Variants in HNRNPR observed in about 807,000 individuals in gnomAD.
The protein encoded by HNRNPR is heterogeneous nuclear ribonucleoprotein R.
HNRNPR carries 4 observed loss-of-function variants against 70.3 expected under a neutral mutation model. The observed-to-expected ratio is 0.06, with a 90% CI of 0.03 to 0.13. HNRNPR has a LOEUF of 0.13. Among genes scored for constraint, HNRNPR ranks in the 10% least tolerant of loss-of-function variants. The pLI is 1.00. For missense variants in HNRNPR, 423 were observed against 788.5 expected, an observed-to-expected ratio of 0.54 and a Z score of 5.55; for synonymous variants, 241 against 267.6, an observed-to-expected ratio of 0.90 and a Z score of 0.97.
chr1:23,338,526 T>C lies in HNRNPR; in HGVS notation c.240A>G (p.Leu80=). The part of the protein sequence containing the change: ...EFNEEGALSV[L]QQFKESDLSH... The stretch of plus-strand genomic sequence containing the variant: ...ATAAGTCACTTTCCTTGAACTGCTG[T>C]AGTACAGACAGAGCTCCTTCTTCAT... The change falls in exon 3 of 11, where the codon CTA becomes CTG. Residue 80 remains leucine (L), a synonymous_variant. Coordinates refer to ENST00000302271, the MANE Select transcript of HNRNPR (RefSeq NM_005826.5). 6.3e-7 allele frequency: 1 copy of C among 1,586,308 alleles called. No homozygotes were observed. The highest frequency in any genetic ancestry group is 8.6e-7 in the Non-Finnish European group (1 of 1,161,916).
intron 8 of HNRNPR, among the ~76,000 whole-genome samples, chr1:23,316,229 C>T (rs1379752132): frequency 6.6e-6 from 1 of 152,070 alleles, no homozygotes; most frequent in Non-Finnish European, 1.5e-5. Context: ...CGCTTAAGCC[C>T]AGGAGTTCAA....
At chr1:23,312,437 G>A (rs1347865472) in intron 9 of HNRNPR, among the ~76,000 whole-genome samples, 1 of 152,164 alleles carries the variant, frequency 6.6e-6, no homozygotes, top group Non-Finnish European at 1.5e-5. Context: ...GTCGAGTCAG[G>A]AGGAATATTT....
Position 23,310,896 on chromosome 1 carries a change from T to C in HNRNPR, c.1460A>G (p.Glu487Gly). Reference sequence around the variant, plus strand: ...ATCATCATAGCCGTAGTAGGGATCTTCATAGCCTCCACGATAGTCGTGATA... The same window carrying C: ...ATCATCATAGCCGTAGTAGGGATCTCCATAGCCTCCACGATAGTCGTGATA... ...YDYHDYRGGY[E>G]DPYYGYDDGY... is the part of the protein sequence containing the mutation. Residue 487 changes from glutamate to glycine, a missense_variant, in exon 11 of 11, where the codon GAA becomes GGA. Physicochemically the swap from Glu to Gly is moderately conservative, Grantham distance 98. This residue lies in a region of HNRNPR where 169 missense variants were observed against 195.6 expected (regional missense o/e 0.86). Coordinates refer to ENST00000302271, the MANE Select transcript of HNRNPR (RefSeq NM_005826.5). The surrounding 1 kb of genome is among the most constrained non-coding windows in gnomAD (Gnocchi z 6.0). 1 of 1,614,126 alleles carries C rather than the reference T, an allele frequency of 6.2e-7. No homozygotes were observed. Among genetic ancestry groups the C allele is most frequent in the African/African-American group, 1.3e-5 (1 of 75,022 alleles).
chr1:23,331,013 A>C (rs1407839639), intron 5 of HNRNPR, among the ~76,000 whole-genome samples: 1 of 152,242 alleles, frequency 6.6e-6, no homozygotes, highest in African/African-American at 2.4e-5. Flanking sequence ...GTACTTGCAC[A>C]ATCTCATGAA....
intron 2 of HNRNPR, 76 bp downstream of exon 2, chr1:23,340,776 C>A: frequency 8.3e-7 from 1 of 1,205,860 alleles, no homozygotes. Flanking sequence ...ATTATTTAAC[C>A]TTAAAAAACT....
intron 9 of HNRNPR, 61 bp from the exon 10 acceptor site, chr1:23,311,383 T>C: frequency 9.3e-7 from 1 of 1,080,256 alleles, no homozygotes; most frequent in East Asian, 2.6e-5. Context: ...TTTTATATAG[T>C]ATGTAAGCTA....
chr1:23,328,439 G>C (rs1054427820), intron 5 of HNRNPR, among the ~76,000 whole-genome samples: 1 of 152,144 alleles, frequency 6.6e-6, no homozygotes, highest in Admixed American at 6.5e-5. Flanking sequence ...GTGAGTTTTC[G>C]GTTATACTGG....
intron 4 of HNRNPR, among the ~76,000 whole-genome samples, chr1:23,335,880 G>A (rs2148467955): frequency 6.6e-6 from 1 of 150,492 alleles, no homozygotes; most frequent in Non-Finnish European, 1.5e-5. Flanking sequence ...CACTTTGGGA[G>A]GCTGAGGCGG....
chr1:23,329,198 T>G (rs531962421), intron 5 of HNRNPR, among the ~76,000 whole-genome samples: 1 of 152,116 alleles, frequency 6.6e-6, no homozygotes, highest in Non-Finnish European at 1.5e-5. Context: ...CGTGAGTCCA[T>G]GAAGAAACAG....
intron 5 of HNRNPR, among the ~76,000 whole-genome samples, chr1:23,329,838 C>T (rs2148427335): frequency 6.6e-6 from 1 of 152,228 alleles, no homozygotes; most frequent in Admixed American, 6.5e-5. Context: ...CTTATGTTAG[C>T]CAGGTTGGTC....
At chr1:23,319,911 T>C (rs925074756) in intron 7 of HNRNPR, among the ~76,000 whole-genome samples, 5 of 152,246 alleles carry the variant, frequency 3.3e-5, no homozygotes, top group African/African-American at 4.8e-5. Flanking sequence ...CAGGTGCTGG[T>C]TGACATGTCA....
At position 23,338,014 on chromosome 1, in the gene HNRNPR, G is replaced by C. The variant is rs1307489566; in HGVS notation, c.277-153C>G. Reference sequence around the variant, plus strand: ...TTTGCCGAGTGGTTACTATGTGCCAGAGATTGGAGCAGACAGCAGTAAGGC... The same window carrying C: ...TTTGCCGAGTGGTTACTATGTGCCACAGATTGGAGCAGACAGCAGTAAGGC... On this transcript the variant is annotated intron_variant, in intron 3 of 10. Transcript: ENST00000302271. 2.5e-5 allele frequency: 15 copies of C among 612,044 alleles called. 1 individual carries two copies. In the South Asian group the frequency reaches 2.6e-4, roughly 11 times the overall value. The allele number at this position is 612,044 out of a possible 1,614,324, so 37.9% of individuals were successfully genotyped here.
chr1:23,344,277 G>A lies in HNRNPR; in HGVS notation c.-76C>T, dbSNP rs1386753704. Reference sequence around the variant, plus strand: ...GCGCGAGGCGCTTTGAAAACGACTAGAAATGGCGCGCGCGCCACCCCCTCC... The same window carrying A: ...GCGCGAGGCGCTTTGAAAACGACTAAAAATGGCGCGCGCGCCACCCCCTCC... On this transcript the variant is annotated 5_prime_UTR_variant, in exon 1 of 11. Coordinates refer to ENST00000302271, the MANE Select transcript of HNRNPR (RefSeq NM_005826.5). 1.3e-5 allele frequency: 2 copies of A among 151,804 alleles called. No individual in the cohort carries two copies. Among genetic ancestry groups the A allele is most frequent in the Non-Finnish European group, 2.9e-5 (2 of 67,952 alleles). 9.4% of individuals were successfully genotyped at this position (151,804 alleles called of 1,614,324 possible).
intron 9 of HNRNPR, 42 bp from the exon 10 acceptor site, chr1:23,311,364 T>G: frequency 7.6e-7 from 1 of 1,313,184 alleles, no homozygotes; most frequent in East Asian, 2.5e-5. Context: ...GATATAAAAC[T>G]GTATTTTGTT....
chr1:23,318,802 A>C lies in HNRNPR; in HGVS notation c.812-114T>G. On this transcript the variant is annotated intron_variant, in intron 7 of 10. Coordinates refer to ENST00000302271, the MANE Select transcript of HNRNPR (RefSeq NM_005826.5). This position sits in a 1 kb window ranked among gnomAD's most constrained non-coding sequence, Gnocchi z 4.2. ...AAAATATAAGTGAAGCAGCCTCAACATGAGTCACTAATTTTGTAGACAATT... is the reference window on the plus strand; with the variant it reads ...AAAATATAAGTGAAGCAGCCTCAACCTGAGTCACTAATTTTGTAGACAATT... 5 of 843,260 alleles carry C rather than the reference A, an allele frequency of 5.9e-6. No homozygotes were observed. Among genetic ancestry groups the C allele is most frequent in the Non-Finnish European group, 9.4e-6 (5 of 531,976 alleles). 52.2% of individuals were successfully genotyped at this position (843,260 alleles called of 1,614,324 possible). A position where few individuals can be genotyped will look rare whatever the true frequency, so the allele number is the denominator to read the frequency against.
At chr1:23,327,329 T>C (rs1165522836) in intron 5 of HNRNPR, among the ~76,000 whole-genome samples, 1 of 152,202 alleles carries the variant, frequency 6.6e-6, no homozygotes, top group Non-Finnish European at 1.5e-5. Context: ...AGAAATATAG[T>C]GACTACCACA....
intron 5 of HNRNPR, among the ~76,000 whole-genome samples, chr1:23,328,715 G>A (rs1487754927): frequency 6.6e-6 from 1 of 152,160 alleles, no homozygotes; most frequent in Non-Finnish European, 1.5e-5. Flanking sequence ...GGCCAGGCTG[G>A]TCTCGAACTC....
At chr1:23,336,049 G>A (rs1287799454) in intron 4 of HNRNPR, among the ~76,000 whole-genome samples, 8 of 138,276 alleles carry the variant, frequency 5.8e-5, no homozygotes, top group East Asian at 4.5e-4. Context: ...CCCGGGAGGC[G>A]GAGCTTGCAG....
At chr1:23,334,720 G>T (rs532067053) in intron 4 of HNRNPR, among the ~76,000 whole-genome samples, 14 of 152,112 alleles carry the variant, frequency 9.2e-5, no homozygotes, top group Non-Finnish European at 2.1e-4. Context: ...GTAAAATCTT[G>T]TGTTTCCTGA....
Sources: allele counts gnomAD v4.1 joint callset (sites outside exome capture counted in the v4.1 genomes callset), GRCh38; gene constraint gnomAD v4.1.1; regional missense constraint gnomAD v4.1.1; non-coding constraint Gnocchi (gnomAD v3.1); transcripts MANE v1.5; gene names NCBI Gene and HGNC (gene_info 2026-07-23, HGNC 2026-07-21).